Variants in CNTLN observed in about 807,000 individuals in gnomAD.
CNTLN encodes the protein centlein.
Under a neutral mutation model 180.0 loss-of-function variants are expected in CNTLN, and 212 were observed. The ratio of observed to expected loss-of-function variants is 1.18; its 90% CI spans 1.05 to 1.32. The LOEUF is 1.32. CNTLN is among the 40% of genes most tolerant of loss of function. The pLI is 0.00. For synonymous variants in CNTLN, 722 were observed against 563.1 expected (o/e 1.28, Z -3.99); for missense variants, 2,095 against 1,610.9 (o/e 1.30, Z -5.14).
At chr9:17,226,704 C>T (rs1040983851) in intron 3 of CNTLN, among the ~76,000 whole-genome samples, 2 of 151,802 alleles carry the variant, frequency 1.3e-5, no homozygotes, top group Non-Finnish European at 1.5e-5. Flanking sequence ...GGCTGTTCTT[C>T]CACTGTTACA....
At position 17,359,725 on chromosome 9, in the gene CNTLN, C is replaced by CAAAA. The variant is rs1176814681; in HGVS notation, c.1887-6870_1887-6867dup. ...TGAAACTCCGTCTATACTAAAAATA[C>CAAAA]AAAAAAAAAAAAAAAAAAAAAAAAA... On this transcript the variant is annotated intron_variant, in intron 12 of 25. Coordinates refer to ENST00000380647, the MANE Select transcript of CNTLN (RefSeq NM_017738.4). 1.4e-3 allele frequency among the ~76,000 whole-genome samples: 29 copies of CAAAA among 21,330 alleles called. 2 individuals carry two copies. The highest frequency in any genetic ancestry group is 6.5e-3 in the East Asian group (2 of 306). The allele number at this position is 21,330 out of a possible 152,430, so 14.0% of individuals were successfully genotyped here. A position where few individuals can be genotyped will look rare whatever the true frequency, so the allele number is the denominator to read the frequency against.
intron 2 of CNTLN, among the ~76,000 whole-genome samples, chr9:17,198,517 A>G (rs1004362146): frequency 2.9e-5 from 4 of 139,366 alleles, no homozygotes; most frequent in African/African-American, 1.1e-4. Context: ...ATCATTGTAC[A>G]TGGGATTACT....
chr9:17,232,540 A>G (rs1824878821), intron 3 of CNTLN, among the ~76,000 whole-genome samples: 1 of 151,990 alleles, frequency 6.6e-6, no homozygotes, highest in African/African-American at 2.4e-5. Flanking sequence ...GGTTCTTCCT[A>G]GAGTTTAACT....
At chr9:17,507,583 C>A (rs923034606), downstream of CNTLN, among the ~76,000 whole-genome samples, 4 of 152,132 alleles carry the variant, frequency 2.6e-5, no homozygotes, top group South Asian at 4.1e-4. Flanking sequence ...TCCTACATTT[C>A]CATGCACGTA....
intron 18 of CNTLN, among the ~76,000 whole-genome samples, chr9:17,421,123 T>C (rs553924507): frequency 6.6e-6 from 1 of 152,306 alleles, no homozygotes; most frequent in Non-Finnish European, 1.5e-5. Flanking sequence ...GTTGATTTTC[T>C]ATCTGGATGA....
intron 5 of CNTLN, among the ~76,000 whole-genome samples, chr9:17,247,386 A>G (rs2151290): frequency 0.5 from 75,360 of 151,902 alleles, 19,901 homozygotes; most frequent in South Asian, 0.7. Flanking sequence ...TCTGCCCCAT[A>G]TTGCTTTCTA....
chr9:17,211,113 G>T (rs1385886284), intron 2 of CNTLN, among the ~76,000 whole-genome samples: 2 of 152,078 alleles, frequency 1.3e-5, no homozygotes, highest in Admixed American at 6.5e-5. Context: ...TGGTGTTTTA[G>T]ACATGAAGTC....
At chr9:17,290,398 A>G (rs549384905) in intron 6 of CNTLN, among the ~76,000 whole-genome samples, 11 of 149,386 alleles carry the variant, frequency 7.4e-5, no homozygotes, top group Admixed American at 6.0e-4. Context: ...TGGGAGAACC[A>G]CTGCTCTCTT....
intron 20 of CNTLN, 59 bp downstream of exon 20, chr9:17,463,072 A>G (rs966674705): frequency 3.1e-6 from 3 of 954,260 alleles, no homozygotes; most frequent in African/African-American, 1.7e-5. Context: ...AACCAGCTCT[A>G]TTAAACGTGC....
intron 12 of CNTLN, among the ~76,000 whole-genome samples, chr9:17,362,181 CCCT>C (rs1823451591): frequency 6.6e-6 from 1 of 152,206 alleles, no homozygotes; most frequent in Non-Finnish European, 1.5e-5. Context: ...ACAACTGCAG[CCCT>C]ACCTTCTGTT....
chr9:17,413,916 CA>C (rs1828037897), intron 16 of CNTLN, among the ~76,000 whole-genome samples: 1 of 152,152 alleles, frequency 6.6e-6, no homozygotes, highest in Non-Finnish European at 1.5e-5. Flanking sequence ...CATGAATGAT[CA>C]TAGAACCTTT....
chr9:17,272,490 G>A (rs1017868042), intron 5 of CNTLN, among the ~76,000 whole-genome samples: 3 of 152,108 alleles, frequency 2.0e-5, no homozygotes, highest in East Asian at 1.9e-4. Flanking sequence ...CCTGGTGTTC[G>A]TTTATCGCTT....
chr9:17,251,707 G>A (rs1444484508), intron 5 of CNTLN, among the ~76,000 whole-genome samples: 4 of 151,604 alleles, frequency 2.6e-5, no homozygotes, highest in East Asian at 1.9e-4. Context: ...TGGGGTCTCC[G>A]TCACCTTGAG....
In CNTLN at chr9:17,493,802, T is replaced by C. The variant is rs895487853; in HGVS notation, c.4119+6736T>C. Among the ~76,000 whole-genome samples, 6 of 152,342 alleles carry C rather than the reference T, an allele frequency of 3.9e-5. No homozygotes were observed. In the East Asian group the frequency reaches 1.2e-3, roughly 29 times the overall value. ...GTGGAATAATAGGAAACTCAGTAAC[T>C]GCTGAAGAAATCCATGTTCAGCACG... On this transcript the variant is annotated intron_variant, in intron 25 of 25. Coordinates refer to ENST00000380647, the MANE Select transcript of CNTLN (RefSeq NM_017738.4).
At chr9:17,506,468 G>A (rs140162561), downstream of CNTLN, among the ~76,000 whole-genome samples, 1 of 152,210 alleles carries the variant, frequency 6.6e-6, no homozygotes, top group East Asian at 1.9e-4. Context: ...TAAGCTTGGG[G>A]CTATGGCTGC....
At chr9:17,276,825 G>A (rs11795325) in intron 6 of CNTLN, among the ~76,000 whole-genome samples, 44,746 of 151,754 alleles carry the variant, frequency 0.29, 6,622 homozygotes, top group South Asian at 0.41. Flanking sequence ...ATAAATAGTT[G>A]TTATACTGTA....
At chr9:17,163,239 G>A (rs1819806461) in intron 2 of CNTLN, among the ~76,000 whole-genome samples, 1 of 152,166 alleles carries the variant, frequency 6.6e-6, no homozygotes, top group Non-Finnish European at 1.5e-5. Flanking sequence ...ACCACATGTG[G>A]GGATTATGGG....
At chr9:17,498,018 A>G (rs1833548976) in intron 25 of CNTLN, among the ~76,000 whole-genome samples, 2 of 152,160 alleles carry the variant, frequency 1.3e-5, no homozygotes. Context: ...ATAAAATTTT[A>G]TATTCTTCAC....
intron 5 of CNTLN, among the ~76,000 whole-genome samples, chr9:17,265,102 C>A (rs1365385320): frequency 6.7e-6 from 1 of 148,438 alleles, no homozygotes. Flanking sequence ...TGAGAGAGGG[C>A]ATCCCTGTCT....
Sources: gnomAD v4.1 joint callset for allele counts (sites outside exome capture counted in the v4.1 genomes callset) on GRCh38, gnomAD v4.1.1 for gene constraint, MANE v1.5 for transcripts, NCBI Gene and HGNC (gene_info 2026-07-23, HGNC 2026-07-21) for gene names.